Variants in PLXDC2 observed in about 807,000 individuals in gnomAD.
PLXDC2 encodes plexin domain containing 2.
In PLXDC2, 40 loss-of-function variants were observed where a neutral mutation model predicts 68.9. That is an observed-to-expected ratio of 0.58 (90% CI 0.45 to 0.76). The LOEUF is 0.76. PLXDC2 is among the 30% of genes least tolerant of loss of function. The pLI, the probability that PLXDC2 is intolerant of heterozygous loss-of-function variation, is 0.00. For missense variants in PLXDC2, 644 were observed against 661.9 expected, an observed-to-expected ratio of 0.97 and a Z score of 0.30; for synonymous variants, 243 against 234.2, an observed-to-expected ratio of 1.04 and a Z score of -0.34.
chr10:20,112,674 A>T (rs1410733500), intron 4 of PLXDC2, among the ~76,000 whole-genome samples: 6 of 152,218 alleles, frequency 3.9e-5, no homozygotes, highest in Non-Finnish European at 8.8e-5. Context: ...TAAGTATAGA[A>T]ATTTTCTCAC....
chr10:20,151,111 C>T (rs114748747), intron 6 of PLXDC2, among the ~76,000 whole-genome samples: 54 of 152,184 alleles, frequency 3.5e-4, no homozygotes, highest in African/African-American at 1.3e-3. Flanking sequence ...TCTAGTCTAC[C>T]ACTTTTTGCT....
At position 19,816,809 on chromosome 10, in the gene PLXDC2, C is replaced by T; in HGVS notation, c.-271C>T. On this transcript the variant is annotated 5_prime_UTR_variant, in exon 1 of 14. Coordinates refer to ENST00000377252, the MANE Select transcript of PLXDC2 (RefSeq NM_032812.9). The stretch of plus-strand genomic sequence containing the variant: ...CCTCGGCTGCAAGTGGCCTCTCCTC[C>T]CCGCGGTTGTTGTTCAGTGTCGGGT... 1.9e-6 allele frequency: 1 copy of T among 519,362 alleles called. No homozygotes were observed. The highest frequency in any genetic ancestry group is 2.6e-5 in the South Asian group (1 of 38,030). The allele number at this position is 519,362 out of a possible 1,614,324, so 32.2% of individuals were successfully genotyped here. A position where few individuals can be genotyped will look rare whatever the true frequency, so the allele number is the denominator to read the frequency against.
intron 1 of PLXDC2, among the ~76,000 whole-genome samples, chr10:19,834,284 C>G (rs1437826330): frequency 1.3e-5 from 2 of 151,910 alleles, no homozygotes; most frequent in Non-Finnish European, 2.9e-5. Context: ...GGCAAGGCCC[C>G]TGGTTAGATC....
chr10:19,890,078 C>T (rs765693941), intron 1 of PLXDC2, among the ~76,000 whole-genome samples: 20 of 152,010 alleles, frequency 1.3e-4, no homozygotes, highest in African/African-American at 2.2e-4. Flanking sequence ...TATTAATGCC[C>T]GCTCTGTGAC....
At chr10:20,207,994 T>C (rs188814862) in intron 9 of PLXDC2, among the ~76,000 whole-genome samples, 12 of 152,146 alleles carry the variant, frequency 7.9e-5, no homozygotes, top group Non-Finnish European at 1.8e-4. Context: ...GTGGACTCAT[T>C]GCAAAACAAG....
intron 2 of PLXDC2, among the ~76,000 whole-genome samples, chr10:20,027,750 A>G (rs1835427878): frequency 1.3e-5 from 2 of 152,046 alleles, no homozygotes; most frequent in South Asian, 2.1e-4. Context: ...AAACCACAAT[A>G]TGAAGATTCC....
chr10:19,977,278 C>T (rs1270073728), intron 1 of PLXDC2, among the ~76,000 whole-genome samples: 1 of 152,208 alleles, frequency 6.6e-6, no homozygotes, highest in Non-Finnish European at 1.5e-5. Flanking sequence ...CTCTGACCAA[C>T]AGTATCCACA....
intron 2 of PLXDC2, among the ~76,000 whole-genome samples, chr10:20,034,164 ATGTCCTCTTTACC>A (rs1835543287): frequency 6.6e-6 from 1 of 152,214 alleles, no homozygotes; most frequent in South Asian, 2.1e-4. Flanking sequence ...CCAACATAGC[ATGTCCTCTTTACC>A]TGTCCTTCCT....
intron 2 of PLXDC2, among the ~76,000 whole-genome samples, chr10:20,031,279 C>T (rs1412996232): frequency 2.0e-5 from 3 of 151,670 alleles, no homozygotes; most frequent in African/African-American, 4.8e-5. Flanking sequence ...CTAAAGTAGG[C>T]GAGCCTCCTG....
rs547557619 is a variant in PLXDC2 at position 20,288,837 on chromosome 10, A to G, written c.*9018A>G. 3 of 152,210 alleles carry G rather than the reference A, an allele frequency of 2.0e-5. No individual in the cohort carries two copies. Among genetic ancestry groups the G allele is most frequent in the African/African-American group, 4.8e-5 (2 of 41,546 alleles). 9.4% of individuals were successfully genotyped at this position (152,210 alleles called of 1,614,324 possible). A position where few individuals can be genotyped will look rare whatever the true frequency, so the allele number is the denominator to read the frequency against. On this transcript the variant is annotated 3_prime_UTR_variant, in exon 14 of 14. Coordinates refer to ENST00000377252, the MANE Select transcript of PLXDC2 (RefSeq NM_032812.9). ...GTGTATTGACTGCCTCAGTGACACA[A>G]TTTATCTTTAAAGGTGTGGAAGCTG...
intron 1 of PLXDC2, among the ~76,000 whole-genome samples, chr10:19,906,213 G>A (rs185978540): frequency 6.6e-6 from 1 of 152,040 alleles, no homozygotes; most frequent in African/African-American, 2.4e-5. Flanking sequence ...TGTGTTGTAA[G>A]ATGTGTGTTA....
intron 4 of PLXDC2, among the ~76,000 whole-genome samples, chr10:20,136,570 G>T (rs2248026): frequency 6.6e-6 from 1 of 151,940 alleles, no homozygotes; most frequent in East Asian, 1.9e-4. Context: ...TATATATAAG[G>T]TTAGTGAGAG....
chr10:19,935,750 A>G (rs1833712961), intron 1 of PLXDC2, among the ~76,000 whole-genome samples: 1 of 152,230 alleles, frequency 6.6e-6, no homozygotes, highest in Non-Finnish European at 1.5e-5. Flanking sequence ...CCATAAACAG[A>G]GTCATAAATG....
chr10:20,047,973 G>A (rs1380894523), intron 3 of PLXDC2, among the ~76,000 whole-genome samples: 2 of 152,038 alleles, frequency 1.3e-5, no homozygotes, highest in African/African-American at 4.8e-5. Context: ...CATTTTAAAG[G>A]GTATTTGGTT....
At chr10:20,238,792 T>G (rs1312633409) in intron 12 of PLXDC2, among the ~76,000 whole-genome samples, 5 of 149,884 alleles carry the variant, frequency 3.3e-5, no homozygotes, top group South Asian at 2.1e-4. Context: ...GCTAAAACTT[T>G]CCCAAAAATA....
At chr10:19,832,604 C>T (rs1836715971) in intron 1 of PLXDC2, among the ~76,000 whole-genome samples, 1 of 152,168 alleles carries the variant, frequency 6.6e-6, no homozygotes, top group African/African-American at 2.4e-5. Context: ...ACCAGGGTAA[C>T]TTCAGTTGGA....
intron 9 of PLXDC2, among the ~76,000 whole-genome samples, chr10:20,205,395 A>G (rs1834977472): frequency 6.6e-6 from 1 of 152,124 alleles, no homozygotes; most frequent in Non-Finnish European, 1.5e-5. Flanking sequence ...AGGAGTTCAC[A>G]TTTTGTTGAA....
intron 2 of PLXDC2, among the ~76,000 whole-genome samples, chr10:20,044,203 CTCTCTCTGTCTT>C (rs1212472609): frequency 1.5e-5 from 2 of 131,208 alleles, no homozygotes; most frequent in African/African-American, 6.1e-5. Context: ...CTCTCTCTCT[CTCTCTCTGTCTT>C]TCTTTCTTTC....
chr10:19,840,196 A>T (rs1564605599), intron 1 of PLXDC2, among the ~76,000 whole-genome samples: 1 of 150,684 alleles, frequency 6.6e-6, no homozygotes, highest in Admixed American at 6.6e-5. Flanking sequence ...GTGAAATGCT[A>T]TTTTTTTTTC....
Sources: allele counts gnomAD v4.1 joint callset (sites outside exome capture counted in the v4.1 genomes callset), GRCh38; gene constraint gnomAD v4.1.1; transcripts MANE v1.5; gene names NCBI Gene and HGNC (gene_info 2026-07-23, HGNC 2026-07-21).